The following RPS6KA2 variants were observed in gnomAD, a reference collection of about 807,000 sequenced individuals.
RPS6KA2 encodes ribosomal protein S6 kinase alpha-2.
A neutral mutation model predicts 91.8 loss-of-function variants in RPS6KA2; 42 were observed. The ratio of observed to expected loss-of-function variants is 0.46; its 90% CI spans 0.36 to 0.59. The LOEUF (loss-of-function observed/expected upper bound fraction) is 0.59. RPS6KA2 is among the 20% of genes least tolerant of loss of function. The probability of loss-of-function intolerance (pLI) is 0.00; values close to 1 mark genes in which losing one functional copy is unlikely to be tolerated. For synonymous variants in RPS6KA2, 414 were observed against 393.6 expected (o/e 1.05, Z -0.61); for missense variants, 798 against 978.5 (o/e 0.82, Z 2.46).
intron 2 of RPS6KA2, among the ~76,000 whole-genome samples, chr6:166,739,082 G>A (rs1790742693): frequency 6.6e-6 from 1 of 152,114 alleles, no homozygotes; most frequent in African/African-American, 2.4e-5. Context: ...CAGGGAGGGT[G>A]GAGAAAAACA....
At chr6:166,736,884 C>T (rs1284119794) in intron 2 of RPS6KA2, among the ~76,000 whole-genome samples, 1 of 151,588 alleles carries the variant, frequency 6.6e-6, no homozygotes, top group Admixed American at 6.6e-5. Flanking sequence ...AGCTGCCAGT[C>T]ATGATGGCAA....
At chr6:166,611,722 G>A (rs907233814) in intron 1 of RPS6KA2, among the ~76,000 whole-genome samples, 6 of 152,158 alleles carry the variant, frequency 3.9e-5, no homozygotes, top group African/African-American at 7.2e-5. Context: ...CTTTCCTCTC[G>A]TGTGTTGGCA....
chr6:166,699,161 G>A (rs765535149), intron 2 of RPS6KA2, among the ~76,000 whole-genome samples: 1 of 152,144 alleles, frequency 6.6e-6, no homozygotes, highest in African/African-American at 2.4e-5. Context: ...ATTTAAAGAA[G>A]CAAATGTTTG....
chr6:166,540,214 C>T (rs971855899), intron 1 of RPS6KA2, among the ~76,000 whole-genome samples: 1 of 152,208 alleles, frequency 6.6e-6, no homozygotes, highest in Admixed American at 6.5e-5. Flanking sequence ...CAATAACGTA[C>T]ATGACGATGT....
intron 2 of RPS6KA2, among the ~76,000 whole-genome samples, chr6:166,752,677 A>G (rs908354332): frequency 6.6e-6 from 1 of 152,206 alleles, no homozygotes; most frequent in East Asian, 1.9e-4. Flanking sequence ...AGACTAACAG[A>G]GTTAATTGAT....
chr6:166,775,940 GAC>G (rs1293474821), intron 2 of RPS6KA2, among the ~76,000 whole-genome samples: 1 of 144,740 alleles, frequency 6.9e-6, no homozygotes. Flanking sequence ...CAGGAAGACA[GAC>G]ACGCGTGGAG....
upstream of RPS6KA2, among the ~76,000 whole-genome samples, chr6:166,630,310 T>C (rs185178459): frequency 6.6e-6 from 1 of 152,342 alleles, no homozygotes; most frequent in East Asian, 1.9e-4. Flanking sequence ...GAGCTTCTAA[T>C]TAGTCAAGTA....
chr6:166,676,807 T>C (rs1788634154), intron 2 of RPS6KA2, among the ~76,000 whole-genome samples: 2 of 152,256 alleles, frequency 1.3e-5, no homozygotes, highest in Admixed American at 6.5e-5. Context: ...TACATGTTTG[T>C]ATGTATCCTA....
chr6:166,587,208 G>A (rs1230872094), intron 1 of RPS6KA2, among the ~76,000 whole-genome samples: 1 of 152,190 alleles, frequency 6.6e-6, no homozygotes, highest in Non-Finnish European at 1.5e-5. Flanking sequence ...ACACAAGAGT[G>A]CACAGTCCAG....
intron 13 of RPS6KA2, among the ~76,000 whole-genome samples, chr6:166,449,712 C>T (rs753578463): frequency 1.7e-4 from 26 of 152,132 alleles, no homozygotes; most frequent in Non-Finnish European, 3.5e-4. Context: ...CTCTTTAAGA[C>T]GAATGCCAAG....
intron 1 of RPS6KA2, chr6:166,586,200 T>C: frequency 6.3e-7 from 1 of 1,587,134 alleles, no homozygotes; most frequent in Non-Finnish European, 8.5e-7. Flanking sequence ...TTGTCTGTGT[T>C]GCGGGTAGTT....
intron 6 of RPS6KA2, among the ~76,000 whole-genome samples, chr6:166,502,468 T>A (rs1782058949): frequency 1.3e-5 from 2 of 152,208 alleles, no homozygotes; most frequent in South Asian, 2.1e-4. Context: ...AATAAGGCTA[T>A]TTTTAGCTGT....
intron 2 of RPS6KA2, among the ~76,000 whole-genome samples, chr6:166,839,130 G>A (rs981900354): frequency 3.9e-5 from 6 of 152,180 alleles, no homozygotes; most frequent in African/African-American, 9.7e-5. Flanking sequence ...ACACCACAAC[G>A]TTTGTGGTGA....
chr6:166,841,884 T>G (rs558840338), intron 2 of RPS6KA2, among the ~76,000 whole-genome samples: 1 of 152,120 alleles, frequency 6.6e-6, no homozygotes, highest in Non-Finnish European at 1.5e-5. Flanking sequence ...TAATCACCAA[T>G]TGGTCCCCGC....
At chr6:166,757,161 A>G (rs1778035612) in intron 2 of RPS6KA2, among the ~76,000 whole-genome samples, 1 of 152,242 alleles carries the variant, frequency 6.6e-6, no homozygotes, top group Non-Finnish European at 1.5e-5. Flanking sequence ...CCTTTTAGTA[A>G]CAGTAAAAAT....
intron 2 of RPS6KA2, among the ~76,000 whole-genome samples, chr6:166,818,582 C>T (rs57822272): frequency 0.015 from 2,237 of 152,216 alleles, 50 homozygotes; most frequent in African/African-American, 0.051. Flanking sequence ...GTGATGCTTT[C>T]GGGCTGCACA....
chr6:166,746,606 A>G (rs1791020907), intron 2 of RPS6KA2, among the ~76,000 whole-genome samples: 1 of 152,238 alleles, frequency 6.6e-6, no homozygotes, highest in Non-Finnish European at 1.5e-5. Context: ...GCTCAGTCCC[A>G]GAAGGCTACC....
intron 1 of RPS6KA2, among the ~76,000 whole-genome samples, chr6:166,561,088 C>G (rs765506971): frequency 2.6e-5 from 4 of 152,138 alleles, no homozygotes; most frequent in African/African-American, 4.8e-5. Context: ...GGGCTGTTTC[C>G]AGTAGCAAGA....
At chr6:166,620,987 A>G (rs1288314964) in intron 1 of RPS6KA2, among the ~76,000 whole-genome samples, 1 of 152,212 alleles carries the variant, frequency 6.6e-6, no homozygotes, top group South Asian at 2.1e-4. Flanking sequence ...CACCTGCTCC[A>G]TGCCTGCAGA....
Sources: allele counts gnomAD v4.1 joint callset (sites outside exome capture counted in the v4.1 genomes callset), GRCh38; gene constraint gnomAD v4.1.1; transcripts MANE v1.5; gene names NCBI Gene and HGNC (gene_info 2026-07-23, HGNC 2026-07-21).